The following RHBDF1 variants were observed in gnomAD, a reference collection of about 807,000 sequenced individuals.
RHBDF1 encodes rhomboid 5 homolog 1.
A neutral mutation model predicts 98.6 loss-of-function variants in RHBDF1; 80 were observed. That is an observed-to-expected ratio of 0.81 (90% confidence interval 0.68 to 0.98). The LOEUF is 0.98. Ranked by LOEUF, RHBDF1 falls within the 50% of genes least tolerant of loss-of-function variation. The pLI is 0.00. For missense variants in RHBDF1, 1,116 were observed against 1,198.3 expected (o/e 0.93, Z 1.01); for synonymous variants, 512 against 486.8 (o/e 1.05, Z -0.68).
At position 61,989 on chromosome 16, in the gene RHBDF1, C is replaced by T. The variant is rs963515127; in HGVS notation, c.1017G>A (p.Arg339=). 8 of 1,577,960 alleles carry T rather than the reference C, an allele frequency of 5.1e-6. No homozygotes were observed. Among genetic ancestry groups the T allele is most frequent in the Non-Finnish European group, 6.8e-6 (8 of 1,169,238 alleles). The change falls in exon 8 of 18, where the codon CGG becomes CGA. Residue 339 remains arginine (R), a synonymous_variant. Transcript: ENST00000262316. ...CGGTGCTCACCACCTCCTGTCGGAG[C>T]CGCACCTTGGGCTGCGGGGCTGCGG... is the stretch of plus-strand genomic sequence containing the variant. The part of the protein sequence containing the change: ...EGAAAPQPKV[R]LRQEVVSTAG...
At chr16:63,452 G>A (rs755970388) in intron 4 of RHBDF1, 135 bp downstream of exon 4, 27 of 789,204 alleles carry the variant, frequency 3.4e-5, no homozygotes, top group African/African-American at 1.9e-4. Context: ...GTGCCTTCAC[G>A]AGCAGGCTGT....
Position 61,896 on chromosome 16 carries a change from C to A in RHBDF1, c.1110G>T (p.Pro370=), listed in dbSNP as rs1316759077. The change falls in exon 8 of 18, where the codon CCG becomes CCT. Residue 370 remains proline, a synonymous_variant. Transcript: ENST00000262316. ...VRKLFAREKR[P]YGLGMVGRLT... ...GCCGTCCCACCATGCCCAGCCCATA[C>A]GGCCGCTTCTCCCGGGCGAAGAGCT... 3.1e-6 allele frequency: 5 copies of A among 1,606,850 alleles called. No individual in the cohort carries two copies. Among genetic ancestry groups the A allele is most frequent in the Non-Finnish European group, 3.4e-6 (4 of 1,179,704 alleles).
In RHBDF1 at chr16:61,409, C is replaced by G. The variant is rs765269986; in HGVS notation, c.1371G>C (p.Glu457Asp). ...CCGAGCTGGGCCCGATCCAGAAGTT[C>G]TCCTGCTGCACGTACTTGACGTTCT... ...VYENVKYVQQ[E>D]NFWIGPSSEA... The change falls in exon 10 of 18, where the codon GAG becomes GAC. Residue 457 changes from glutamate (E) to aspartate (D), a missense_variant. Physicochemically the swap from Glu to Asp is conservative, Grantham distance 45 (BLOSUM62 2). Transcript: ENST00000262316. 6.2e-7 allele frequency: 1 copy of G among 1,611,342 alleles called. No individual in the cohort carries two copies. The highest frequency in any genetic ancestry group is 2.2e-5 in the East Asian group (1 of 44,780).
intron 5 of RHBDF1, 28 bp downstream of exon 5, chr16:62,945 C>G (rs768897221): frequency 6.2e-7 from 1 of 1,612,520 alleles, no homozygotes; most frequent in South Asian, 1.1e-5. Context: ...GGTCGGCCCC[C>G]AACCCCGCCT....
At chr16:64,448 G>C in intron 3 of RHBDF1, 1 of 1,480,846 alleles carries the variant, frequency 6.8e-7, no homozygotes, top group South Asian at 1.2e-5. Flanking sequence ...CTGCTAAGAG[G>C]CAAGAGCATC....
rs748635979 is a variant in RHBDF1, at chr16:58,287, C to G, written c.*53G>C. ...GTAAGCCTGTGAGGCTCAGGGAGGT[C>G]GTGTCTGGCTCTGGCCTGCTGGAGC... On this transcript the variant is annotated 3_prime_UTR_variant, in exon 18 of 18. Transcript: ENST00000262316. The G allele has an allele frequency of 6.4e-7, 1 of 1,556,066 alleles. No individual in the cohort carries two copies. Among genetic ancestry groups the G allele is most frequent in the Non-Finnish European group, 8.7e-7 (1 of 1,147,722 alleles).
chr16:72,001 C>T (rs963133885), intron 1 of RHBDF1, among the ~76,000 whole-genome samples: 8 of 152,264 alleles, frequency 5.3e-5, no homozygotes, highest in South Asian at 2.1e-4. Flanking sequence ...CCCAGCTCCA[C>T]GGCTCCTGCT....
intron 1 of RHBDF1, among the ~76,000 whole-genome samples, chr16:70,888 G>T (rs1047627197): frequency 3.9e-5 from 6 of 152,226 alleles, no homozygotes; most frequent in Non-Finnish European, 8.8e-5. Flanking sequence ...AAGAAGGAAG[G>T]ACTCACCCCC....
At chr16:60,580 G>T (rs755968964) in intron 11 of RHBDF1, 41 bp from the exon 12 acceptor site, 2 of 1,469,798 alleles carry the variant, frequency 1.4e-6, no homozygotes, top group Non-Finnish European at 1.9e-6. Flanking sequence ...GTTGGGTCAG[G>T]GCAATGAGGG....
At position 59,146 on chromosome 16, in the gene RHBDF1, G is replaced by A. The variant is rs531678400; in HGVS notation, c.1995-19C>T. The A allele has an allele frequency of 2.4e-5, 38 of 1,609,498 alleles. 1 individual carries two copies. Among genetic ancestry groups the A allele is most frequent in the East Asian group, 8.9e-5 (4 of 44,768 alleles). ...CAAGATCCTGTAGTCAGTAGCAGGC[G>A]GGGGTCGGGAGACATTCAGCAGGGA... is the stretch of plus-strand genomic sequence containing the variant. On this transcript the variant is annotated intron_variant, in intron 16 of 17. Transcript: ENST00000262316.
Position 65,023 on chromosome 16 carries a change from G to A in RHBDF1, c.-8C>T. The A allele has an allele frequency of 6.6e-7, 1 of 1,509,050 alleles. No individual in the cohort carries two copies. The highest frequency in any genetic ancestry group is 8.8e-7 in the Non-Finnish European group (1 of 1,130,162). The allele number at this position is 1,509,050 out of a possible 1,614,324, so 93.5% of individuals were successfully genotyped here. A position where few individuals can be genotyped will look rare whatever the true frequency, so the allele number is the denominator to read the frequency against. On this transcript the variant is annotated 5_prime_UTR_variant, in exon 2 of 18. Transcript: ENST00000262316. ...CCTGCGGGCCTCACTCATGGTTCCT[G>A]GCAGAGCAAGGCAGGCCTGCGGGGC...
upstream of RHBDF1, chr16:73,811 C>T: frequency 2.9e-6 from 1 of 347,028 alleles, no homozygotes; most frequent in Non-Finnish European, 4.1e-6. Context: ...GGCACCAGCC[C>T]TCTCCAAACT....
Position 61,428 on chromosome 16 carries a change from A to C in RHBDF1, c.1352T>G (p.Val451Gly). Reference protein sequence around the residue: ...VLRNRGVYENVKYVQQENFWI... With the variant: ...VLRNRGVYENGKYVQQENFWI... ...GAAGTTCTCCTGCTGCACGTACTTG[A>C]CGTTCTCGTAGACCCCGCGGTTCCG... The change falls in exon 10 of 18, where the codon GTC becomes GGC. Residue 451 changes from valine to glycine, a missense_variant. Coordinates refer to ENST00000262316, the MANE Select transcript of RHBDF1 (RefSeq NM_022450.5). 1.2e-6 allele frequency: 2 copies of C among 1,611,874 alleles called. No homozygotes were observed. Among genetic ancestry groups the C allele is most frequent in the South Asian group, 2.2e-5 (2 of 91,058 alleles).
rs145370666 is a variant in RHBDF1 at position 63,390 on chromosome 16, T to G, written c.462+197A>C. 1.4e-3 allele frequency among the ~76,000 whole-genome samples: 219 copies of G among 152,262 alleles called. 2 individuals carry two copies. Among genetic ancestry groups the G allele is most frequent in the Middle Eastern group, 6.8e-3 (2 of 294 alleles). Reference sequence around the variant, plus strand: ...TCCAGACACTGGCCCCCTGGTGCAATCCCAAGACCATGTCCCCATCCCAAG... The same window carrying G: ...TCCAGACACTGGCCCCCTGGTGCAAGCCCAAGACCATGTCCCCATCCCAAG... On this transcript the variant is annotated intron_variant, in intron 4 of 17. Coordinates refer to ENST00000262316, the MANE Select transcript of RHBDF1 (RefSeq NM_022450.5).
chr16:73,543 C>G (rs1201134943), upstream of RHBDF1, among the ~76,000 whole-genome samples: 1 of 152,198 alleles, frequency 6.6e-6, no homozygotes, highest in East Asian at 1.9e-4. Context: ...GCATTTCTCT[C>G]CTGACACTGG....
chr16:65,656 A>G (rs957498964), intron 1 of RHBDF1, among the ~76,000 whole-genome samples: 1 of 152,064 alleles, frequency 6.6e-6, no homozygotes, highest in Non-Finnish European at 1.5e-5. Flanking sequence ...CCTCTTACCC[A>G]CCCAGACTTC....
chr16:74,364 C>T (rs183901673), upstream of RHBDF1, among the ~76,000 whole-genome samples: 194 of 152,376 alleles, frequency 1.3e-3, no homozygotes, highest in African/African-American at 4.4e-3. Flanking sequence ...CACAGCTGGG[C>T]ATCTGGTGTC....
chr16:64,687 C>G lies in RHBDF1; in HGVS notation c.248+12G>C. 1 of 1,600,714 alleles carries G rather than the reference C, an allele frequency of 6.2e-7. No individual in the cohort carries two copies. Among genetic ancestry groups the G allele is most frequent in the Non-Finnish European group, 8.5e-7 (1 of 1,170,922 alleles). ...GCTCCCACCCCATGGAGCAGCTGGGCGGTGTTGGTACCTGCGGATGGTCTG... is the reference window on the plus strand; with the variant it reads ...GCTCCCACCCCATGGAGCAGCTGGGGGGTGTTGGTACCTGCGGATGGTCTG... On this transcript the variant is annotated intron_variant, in intron 3 of 17. Transcript: ENST00000262316.
chr16:63,734 G>A lies in RHBDF1; in HGVS notation c.315C>T (p.Ser105=), dbSNP rs1276770366. The A allele has an allele frequency of 3.1e-6, 5 of 1,613,632 alleles. No homozygotes were observed. The African/African-American group carries it at 6.7e-5, about 22-fold the overall frequency. ...SDSTQKWQRK[S]IRHCSQRYGK... is the part of the protein sequence containing the mutation. ...CGTAGCGCTGGCTGCAGTGACGGAT[G>A]CTCTTGCGCTGCCATTTCTGGGTGC... The change falls in exon 4 of 18, where the codon AGC becomes AGT. Residue 105 remains serine (S), a synonymous_variant. Transcript: ENST00000262316.
Sources: allele counts gnomAD v4.1 joint callset (sites outside exome capture counted in the v4.1 genomes callset), GRCh38; gene constraint gnomAD v4.1.1; transcripts MANE v1.5; gene names NCBI Gene and HGNC (gene_info 2026-07-23, HGNC 2026-07-21).